Variants in NFKB1 observed in about 807,000 individuals in gnomAD.
The protein encoded by NFKB1 is nuclear factor kappa B subunit 1.
In NFKB1, 9 loss-of-function variants were observed where a neutral mutation model predicts 105.1. That is an observed-to-expected ratio of 0.09 (90% CI 0.05 to 0.15). The LOEUF is 0.15. Ranked by LOEUF, NFKB1 falls within the 10% of genes least tolerant of loss-of-function variation. The probability of loss-of-function intolerance (pLI) is 1.00; values close to 1 mark genes in which losing one functional copy is unlikely to be tolerated. For synonymous variants in NFKB1, 440 were observed against 442.2 expected, an observed-to-expected ratio of 1.00 and a Z score of 0.06; for missense variants, 830 against 1,203.7, an observed-to-expected ratio of 0.69 and a Z score of 4.59.
intron 5 of NFKB1, among the ~76,000 whole-genome samples, chr4:102,559,918 G>A (rs1313749530): frequency 6.7e-6 from 1 of 149,628 alleles, no homozygotes; most frequent in African/African-American, 2.5e-5. Context: ...AGCCTGAATG[G>A]CAGAGCAAGA....
chr4:102,588,851 C>A (rs775158924), intron 11 of NFKB1, among the ~76,000 whole-genome samples: 1 of 152,168 alleles, frequency 6.6e-6, no homozygotes, highest in Non-Finnish European at 1.5e-5. Flanking sequence ...CCTAACCCCT[C>A]CTAGCTTCAG....
intron 1 of NFKB1, among the ~76,000 whole-genome samples, chr4:102,508,082 C>A (rs1739544286): frequency 6.6e-6 from 1 of 152,086 alleles, no homozygotes; most frequent in African/African-American, 2.4e-5. Context: ...ACACAAATTC[C>A]CAAATCATGT....
intron 16 of NFKB1, among the ~76,000 whole-genome samples, chr4:102,602,296 C>T (rs754281842): frequency 4.6e-5 from 7 of 151,160 alleles, no homozygotes; most frequent in African/African-American, 9.7e-5. Context: ...TTTGGGAGGC[C>T]GAGGCAGGCG....
At chr4:102,552,975 G>C (rs889250679) in intron 5 of NFKB1, among the ~76,000 whole-genome samples, 3 of 152,122 alleles carry the variant, frequency 2.0e-5, no homozygotes, top group Non-Finnish European at 2.9e-5. Context: ...AAAAAGACCA[G>C]TAAAGTAGCA....
intron 1 of NFKB1, among the ~76,000 whole-genome samples, chr4:102,515,664 C>T (rs1740128791): frequency 1.3e-5 from 2 of 152,206 alleles, no homozygotes; most frequent in South Asian, 4.1e-4. Context: ...GAGAACTTGA[C>T]AATGTTATAC....
At chr4:102,518,448 G>C (rs1179797067) in intron 1 of NFKB1, among the ~76,000 whole-genome samples, 2 of 152,002 alleles carry the variant, frequency 1.3e-5, no homozygotes, top group Non-Finnish European at 1.5e-5. Flanking sequence ...CTCTAACAAA[G>C]TGTGATCACT....
At chr4:102,575,588 C>G (rs574870983) in intron 6 of NFKB1, among the ~76,000 whole-genome samples, 3 of 152,140 alleles carry the variant, frequency 2.0e-5, no homozygotes, top group African/African-American at 7.2e-5. Flanking sequence ...AAAACACCGG[C>G]GTGGTCCTAC....
At chr4:102,504,296 C>CTGTTGG (rs1355974688) in intron 1 of NFKB1, among the ~76,000 whole-genome samples, 3 of 152,160 alleles carry the variant, frequency 2.0e-5, no homozygotes, top group Admixed American at 6.5e-5. Context: ...ATGCACAGTA[C>CTGTTGG]TGTTGTATAA....
At chr4:102,528,454 T>C (rs1434214113) in intron 2 of NFKB1, among the ~76,000 whole-genome samples, 1 of 152,096 alleles carries the variant, frequency 6.6e-6, no homozygotes, top group Non-Finnish European at 1.5e-5. Flanking sequence ...TTAAACGAGA[T>C]TTTTCTTACT....
At chr4:102,593,787 T>TA (rs1245583329) in intron 12 of NFKB1, among the ~76,000 whole-genome samples, 1 of 152,170 alleles carries the variant, frequency 6.6e-6, no homozygotes, top group Non-Finnish European at 1.5e-5. Context: ...GAAAAAAAAG[T>TA]ACCCCAAAGC....
chr4:102,592,043 G>A (rs1403541212), intron 11 of NFKB1, among the ~76,000 whole-genome samples: 4 of 152,224 alleles, frequency 2.6e-5, no homozygotes, highest in South Asian at 2.1e-4. Flanking sequence ...AACAGCAGAT[G>A]TGGTGGAAAT....
intron 16 of NFKB1, among the ~76,000 whole-genome samples, chr4:102,601,543 G>A (rs1470301691): frequency 1.3e-5 from 2 of 152,218 alleles, no homozygotes; most frequent in African/African-American, 2.4e-5. Context: ...GAACACCAGA[G>A]TTTTGCCCAA....
intron 5 of NFKB1, among the ~76,000 whole-genome samples, chr4:102,551,699 C>T (rs1214608893): frequency 6.6e-6 from 1 of 152,148 alleles, no homozygotes; most frequent in African/African-American, 2.4e-5. Context: ...AGAGATATTT[C>T]TAGTGATAGG....
At chr4:102,583,735 C>T (rs1411934199) in intron 10 of NFKB1, among the ~76,000 whole-genome samples, 3 of 151,136 alleles carry the variant, frequency 2.0e-5, no homozygotes, top group African/African-American at 7.3e-5. Flanking sequence ...AATGCTGAGC[C>T]CCCACCTTAA....
intron 5 of NFKB1, among the ~76,000 whole-genome samples, chr4:102,562,719 G>A (rs1020605517): frequency 6.6e-6 from 1 of 152,204 alleles, no homozygotes; most frequent in African/African-American, 2.4e-5. Context: ...ACAGCTAAGT[G>A]GTAACAGTCG....
chr4:102,615,336 C>G (rs899648781), intron 23 of NFKB1, among the ~76,000 whole-genome samples: 1 of 152,198 alleles, frequency 6.6e-6, no homozygotes, highest in Non-Finnish European at 1.5e-5. Context: ...TTTCTCTGCT[C>G]CCCTGGCTCA....
In NFKB1 at chr4:102,596,145, G is replaced by A. The variant is rs748505860; in HGVS notation, c.1308G>A (p.Met436Ile). 2 of 1,588,694 alleles carry A rather than the reference G, an allele frequency of 1.3e-6. No homozygotes were observed. The highest frequency in any genetic ancestry group is 1.7e-5 in the Admixed American group (1 of 57,260). The change falls in exon 14 of 24, where the codon ATG becomes ATA. Residue 436 changes from methionine (M) to isoleucine (I), a missense_variant. This residue lies in a region of NFKB1 where 163 missense variants were observed against 164.3 expected (regional missense o/e 0.99). Transcript: ENST00000226574. ...KSNAGMKHGT[M>I]DTESKKDPEG... ...TTTTTGCATTTATCTTAGGAACCAT[G>A]GACACTGAATCTAAAAAGGACCCTG...
At chr4:102,526,846 G>GA (rs1740945400) in intron 2 of NFKB1, among the ~76,000 whole-genome samples, 1 of 151,966 alleles carries the variant, frequency 6.6e-6, no homozygotes, top group African/African-American at 2.4e-5. Context: ...AAAATAAATA[G>GA]AAATGTTGGA....
intron 11 of NFKB1, among the ~76,000 whole-genome samples, chr4:102,592,491 A>G (rs533368414): frequency 7.7e-4 from 117 of 152,336 alleles, no homozygotes; most frequent in Non-Finnish European, 1.9e-4. Context: ...CACCAGTACA[A>G]AGATTACAAC....
Sources: allele counts gnomAD v4.1 joint callset (sites outside exome capture counted in the v4.1 genomes callset), GRCh38; gene constraint gnomAD v4.1.1; regional missense constraint gnomAD v4.1.1; transcripts MANE v1.5; gene names NCBI Gene and HGNC (gene_info 2026-07-23, HGNC 2026-07-21).